Variants in XKR4 observed in about 807,000 individuals in gnomAD.
The protein encoded by XKR4 is XK-related protein 4.
Under a neutral mutation model 53.9 loss-of-function variants are expected in XKR4, and 12 were observed. The observed-to-expected ratio is 0.22, with a 90% CI of 0.14 to 0.36. The LOEUF is 0.36. XKR4 is among the 10% of genes least tolerant of loss of function. The pLI is 1.00. For synonymous variants in XKR4, 354 were observed against 362.4 expected, an observed-to-expected ratio of 0.98 and a Z score of 0.26; for missense variants, 799 against 859.5, an observed-to-expected ratio of 0.93 and a Z score of 0.88.
chr8:55,337,618 C>G (rs16921621), intron 1 of XKR4, among the ~76,000 whole-genome samples: 12,413 of 151,972 alleles, frequency 0.082, 1,477 homozygotes, highest in African/African-American at 0.26. Flanking sequence ...AGAGAAAGAA[C>G]GACAAAGGGA....
chr8:55,400,663 A>G (rs1238016482), intron 2 of XKR4, among the ~76,000 whole-genome samples: 4 of 152,150 alleles, frequency 2.6e-5, no homozygotes, highest in Non-Finnish European at 5.9e-5. Flanking sequence ...ATCTAAACCC[A>G]AAAGGTCTCC....
intron 2 of XKR4, among the ~76,000 whole-genome samples, chr8:55,395,791 AC>A (rs1804508230): frequency 6.6e-6 from 1 of 152,208 alleles, no homozygotes; most frequent in Admixed American, 6.5e-5. Context: ...GACCTAAGGA[AC>A]AGTGAAAAAA....
rs79023461 is a variant in XKR4, at chr8:55,318,517, C to A, written c.807-39161C>A. Among the ~76,000 whole-genome samples the A allele has an allele frequency of 8.1e-4, 124 of 152,308 alleles. 1 individual carries two copies. Among genetic ancestry groups the A allele is most frequent in the African/African-American group, 2.8e-3 (117 of 41,564 alleles). ...CAAACTCGACCAAACCAAAGTATAT[C>A]TCTCCATGGCATAGACCCAATCCAG... On this transcript the variant is annotated intron_variant, in intron 1 of 2. Transcript: ENST00000327381.
chr8:55,356,849 C>A (rs1174556761), intron 1 of XKR4, among the ~76,000 whole-genome samples: 1 of 152,144 alleles, frequency 6.6e-6, no homozygotes. Context: ...CAAAACCAAC[C>A]CCTCCTCTTC....
chr8:55,117,301 T>A (rs1816323633), intron 1 of XKR4, among the ~76,000 whole-genome samples: 1 of 152,002 alleles, frequency 6.6e-6, no homozygotes, highest in African/African-American at 2.4e-5. Context: ...GAAAGGGCAG[T>A]GAGTTATTTT....
chr8:55,346,396 C>A (rs2129382907), intron 1 of XKR4, among the ~76,000 whole-genome samples: 1 of 152,274 alleles, frequency 6.6e-6, no homozygotes, highest in Non-Finnish European at 1.5e-5. Context: ...CCGCTTCATT[C>A]TTTCTCCCTC....
intron 2 of XKR4, among the ~76,000 whole-genome samples, chr8:55,369,125 T>C (rs1434475028): frequency 1.3e-5 from 2 of 151,328 alleles, no homozygotes; most frequent in Admixed American, 1.3e-4. Flanking sequence ...ACTTTGGGAG[T>C]CCAAGGCAGG....
rs114670250 is a variant in XKR4, at chr8:55,181,744, C to T, written c.806+78450C>T. Among the ~76,000 whole-genome samples, 1,234 of 152,058 alleles carry T rather than the reference C, an allele frequency of 8.1e-3. 17 individuals carry two copies. The highest frequency in any genetic ancestry group is 0.027 in the African/African-American group (1,122 of 41,462). On this transcript the variant is annotated intron_variant, in intron 1 of 2. Coordinates refer to ENST00000327381, the MANE Select transcript of XKR4 (RefSeq NM_052898.2). ...TCAGCTGGTAGAATGAAGAGGACTT[C>T]GAGGTTGACTTCATGAAGGTCAGCT...
intron 2 of XKR4, among the ~76,000 whole-genome samples, chr8:55,417,654 C>T (rs1316567537): frequency 2.6e-5 from 4 of 152,122 alleles, no homozygotes; most frequent in Non-Finnish European, 5.9e-5. Flanking sequence ...ACAACATATC[C>T]GATTTCAATT....
intron 1 of XKR4, among the ~76,000 whole-genome samples, chr8:55,285,619 G>T (rs373452042): frequency 1.3e-4 from 20 of 152,278 alleles, no homozygotes; most frequent in African/African-American, 4.3e-4. Flanking sequence ...AACAGGAAGA[G>T]AACTCCTCGA....
intron 1 of XKR4, among the ~76,000 whole-genome samples, chr8:55,180,886 A>G (rs1563476766): frequency 1.3e-5 from 2 of 152,152 alleles, no homozygotes; most frequent in Non-Finnish European, 2.9e-5. Flanking sequence ...TTTCTTGTCT[A>G]ACAAAAGAGA....
rs992945399 is a variant in XKR4, at chr8:55,180,260, TG to T, written c.806+76968del. On this transcript the variant is annotated intron_variant, in intron 1 of 2. Coordinates refer to ENST00000327381, the MANE Select transcript of XKR4 (RefSeq NM_052898.2). ...GATTATCTGTAAAGGCACAGCTGCA[TG>T]GAGTGGTGTGTGAATATACCTTTAC... 3.9e-5 allele frequency among the ~76,000 whole-genome samples: 6 copies of T among 152,350 alleles called. No individual in the cohort carries two copies. The South Asian group carries it at 1.0e-3, about 26-fold the overall frequency.
rs188153903 is a variant in XKR4 at position 55,117,748 on chromosome 8, A to G, written c.806+14454A>G. On this transcript the variant is annotated intron_variant, in intron 1 of 2. Transcript: ENST00000327381. ...CATGCTTTTCCCACTATATCTTACT[A>G]TTCCAAGGTTAATCCAAGACTCACC... Among the ~76,000 whole-genome samples the G allele has an allele frequency of 2.5e-4, 38 of 152,284 alleles. No individual in the cohort carries two copies. The East Asian group carries it at 7.1e-3, about 29-fold the overall frequency.
intron 2 of XKR4, among the ~76,000 whole-genome samples, chr8:55,462,543 A>C (rs544611473): frequency 1.3e-5 from 2 of 152,320 alleles, no homozygotes; most frequent in Admixed American, 1.3e-4. Context: ...AAGACCATCA[A>C]GGCTAGGAAG....
At chr8:55,327,187 T>C (rs1222682721) in intron 1 of XKR4, among the ~76,000 whole-genome samples, 1 of 152,174 alleles carries the variant, frequency 6.6e-6, no homozygotes, top group African/African-American at 2.4e-5. Context: ...AGCTTCATAA[T>C]CATTGTAAAC....
chr8:55,212,493 T>A (rs949714667), intron 1 of XKR4, among the ~76,000 whole-genome samples: 3 of 152,194 alleles, frequency 2.0e-5, no homozygotes, highest in African/African-American at 4.8e-5. Context: ...TTAATGCTGG[T>A]CAGCTGTGCC....
At chr8:55,323,071 A>G (rs953593450) in intron 1 of XKR4, among the ~76,000 whole-genome samples, 2 of 152,224 alleles carry the variant, frequency 1.3e-5, no homozygotes, top group Non-Finnish European at 2.9e-5. Flanking sequence ...AATTTCTTTT[A>G]TAGTTCTAGC....
chr8:55,189,692 G>A (rs1000603171), intron 1 of XKR4, among the ~76,000 whole-genome samples: 7 of 152,222 alleles, frequency 4.6e-5, no homozygotes, highest in Admixed American at 4.6e-4. Flanking sequence ...ACTATGGTAA[G>A]TGAGGTCTGC....
intron 1 of XKR4, among the ~76,000 whole-genome samples, chr8:55,195,869 C>T (rs968103212): frequency 1.1e-4 from 17 of 152,144 alleles, no homozygotes; most frequent in Admixed American, 7.2e-4. Flanking sequence ...TTACCAATAC[C>T]ACAGCTCAGG....
Sources: gnomAD v4.1 joint callset for allele counts (sites outside exome capture counted in the v4.1 genomes callset) on GRCh38, gnomAD v4.1.1 for gene constraint, MANE v1.5 for transcripts, NCBI Gene and HGNC (gene_info 2026-07-23, HGNC 2026-07-21) for gene names.